USP45: variants seen among roughly 807,000 people sequenced by gnomAD.
The protein encoded by USP45 is ubiquitin specific peptidase 45, also known as ubiquitin carboxyl-terminal hydrolase 45.
In USP45, 89 loss-of-function variants were observed where a neutral mutation model predicts 95.8. That is an observed-to-expected ratio of 0.93 (90% CI 0.78 to 1.11). The LOEUF (loss-of-function observed/expected upper bound fraction) is 1.11. Among genes scored for constraint, USP45 ranks in the 50% least tolerant of loss-of-function variants. The pLI is 0.00. For missense variants in USP45, 898 were observed against 942.5 expected (o/e 0.95, Z 0.62); for synonymous variants, 281 against 316.2 (o/e 0.89, Z 1.18).
intron 9 of USP45, among the ~76,000 whole-genome samples, chr6:99,472,221 A>AC (rs1554238665): frequency 1.4e-5 from 2 of 143,916 alleles, no homozygotes; most frequent in Admixed American, 1.4e-4. Flanking sequence ...TCACTTACTA[A>AC]TTTTTTTTTT....
In USP45 at chr6:99,488,237, GTAC is replaced by G. The variant is rs1562405651; in HGVS notation, c.674_676del (p.Ser225del). ...TGAGGAAGGAAAAATCTTGAGTTTTGTACTACTTTCTTTGATCTCATTCATCAG... is the reference window on the plus strand; with the variant it reads ...TGAGGAAGGAAAAATCTTGAGTTTTGTACTTTCTTTGATCTCATTCATCAG... On this transcript the variant is annotated inframe_deletion, in exon 7 of 18. Transcript: ENST00000500704. 1 of 1,612,550 alleles carries G rather than the reference GTAC, an allele frequency of 6.2e-7. No homozygotes were observed. Among genetic ancestry groups the G allele is most frequent in the African/African-American group, 1.3e-5 (1 of 75,000 alleles).
chr6:99,481,664 C>G (rs1455610916), intron 8 of USP45, among the ~76,000 whole-genome samples: 1 of 152,124 alleles, frequency 6.6e-6, no homozygotes, highest in African/African-American at 2.4e-5. Context: ...CCCTTCCTCC[C>G]TCAATCTCTC....
At chr6:99,494,940 A>T (rs1488812580) in intron 5 of USP45, among the ~76,000 whole-genome samples, 2 of 152,090 alleles carry the variant, frequency 1.3e-5, no homozygotes, top group African/African-American at 4.8e-5. Context: ...TCATAAACAT[A>T]AAAAAACTCA....
rs998880546 is a variant in USP45 at position 99,495,547 on chromosome 6, C to T, written c.479-6727G>A. ...ATTTCAAAGATGAAACTGAGGTATA[C>T]TGCTGGTTAGTGTTGAGGGAAGATT... On this transcript the variant is annotated intron_variant, in intron 5 of 17. Transcript: ENST00000500704. Among the ~76,000 whole-genome samples, 9 of 152,204 alleles carry T rather than the reference C, an allele frequency of 5.9e-5. No individual in the cohort carries two copies. In the East Asian group the frequency reaches 1.2e-3, roughly 20 times the overall value.
chr6:99,506,607 C>T (rs1011807714), intron 4 of USP45, among the ~76,000 whole-genome samples: 1 of 152,156 alleles, frequency 6.6e-6, no homozygotes, highest in Non-Finnish European at 1.5e-5. Flanking sequence ...TCACGCCCCA[C>T]AAAAAACTTG....
intron 9 of USP45, among the ~76,000 whole-genome samples, chr6:99,473,736 CAG>C (rs1328200699): frequency 1.7e-5 from 2 of 115,186 alleles, no homozygotes; most frequent in Admixed American, 1.9e-4. Flanking sequence ...GCCTGGATGA[CAG>C]AGTGAGACCC....
intron 8 of USP45, among the ~76,000 whole-genome samples, chr6:99,476,860 T>C (rs931698086): frequency 6.6e-6 from 1 of 152,212 alleles, no homozygotes; most frequent in Non-Finnish European, 1.5e-5. Flanking sequence ...GTGAATATGT[T>C]TTTTAAGGAC....
At chr6:99,437,094 C>CTCAA (rs112767733) in intron 17 of USP45, 152 bp downstream of exon 17, 14,771 of 761,562 alleles carry the variant, frequency 0.019, 819 homozygotes, top group African/African-American at 0.16. Context: ...GAGACTCTGT[C>CTCAA]TCAATCAATC....
Position 99,488,765 on chromosome 6 carries a change from T to C in USP45, c.534A>G (p.Ile178Met). ...LCEEKCETDE[I>M]QKGGKCRNLS... ...AATTTCTGCATTTTCCTCCCTTCTG[T>C]ATTTCATCTGTTTCACATTTTTCTT... The change falls in exon 6 of 18, where the codon ATA (isoleucine) becomes ATG (methionine). Residue 178 changes from isoleucine (I) to methionine (M), a missense_variant. Coordinates refer to ENST00000500704, the MANE Select transcript of USP45 (RefSeq NM_001346022.3). The C allele has an allele frequency of 6.2e-7, 1 of 1,604,760 alleles. No individual in the cohort carries two copies. Among genetic ancestry groups the C allele is most frequent in the Non-Finnish European group, 8.5e-7 (1 of 1,176,674 alleles).
chr6:99,479,601 C>CAAAAAA lies in USP45; in HGVS notation c.845+3146_845+3151dup, dbSNP rs34635892. Among the ~76,000 whole-genome samples, 820 of 115,474 alleles carry CAAAAAA rather than the reference C, an allele frequency of 7.1e-3. 1 individual carries two copies. The highest frequency in any genetic ancestry group is 0.013 in the East Asian group (51 of 4,016). 75.8% of individuals were successfully genotyped at this position (115,474 alleles called of 152,430 possible). ...CAATACAATTTACTATTCCAACAGA[C>CAAAAAA]AAAAAAAAAAAAAAAAAAGATTATT... On this transcript the variant is annotated intron_variant, in intron 8 of 17. Transcript: ENST00000500704.
intron 5 of USP45, among the ~76,000 whole-genome samples, chr6:99,493,397 T>C (rs1438658511): frequency 1.3e-5 from 2 of 152,230 alleles, no homozygotes; most frequent in African/African-American, 4.8e-5. Flanking sequence ...GTTGTGCATG[T>C]GTTTACTAAG....
chr6:99,456,491 G>T (rs1014573069), intron 13 of USP45, among the ~76,000 whole-genome samples: 1 of 152,198 alleles, frequency 6.6e-6, no homozygotes, highest in Non-Finnish European at 1.5e-5. Context: ...GAAGAACGTG[G>T]ATTGTGAAGA....
chr6:99,516,081 C>T (rs1801083643), upstream of USP45, among the ~76,000 whole-genome samples: 1 of 152,046 alleles, frequency 6.6e-6, no homozygotes, highest in African/African-American at 2.4e-5. Flanking sequence ...CCGGCTCCGC[C>T]CCCACACCCC....
At chr6:99,503,457 G>A (rs1006056812) in intron 5 of USP45, among the ~76,000 whole-genome samples, 3 of 151,668 alleles carry the variant, frequency 2.0e-5, no homozygotes, top group South Asian at 4.2e-4. Context: ...TCAGCCTCCC[G>A]AGTAGCTGGG....
rs1213564660 is a variant in USP45, at chr6:99,433,719, T to G, written c.*1997A>C. On this transcript the variant is annotated 3_prime_UTR_variant, in exon 18 of 18. Coordinates refer to ENST00000500704, the MANE Select transcript of USP45 (RefSeq NM_001346022.3). Reference sequence around the variant, plus strand: ...GAATAATGTCAAAAATCTATGTAGATCTTTCCATTTTAAATGATGTTAAAA... The same window carrying G: ...GAATAATGTCAAAAATCTATGTAGAGCTTTCCATTTTAAATGATGTTAAAA... The G allele has an allele frequency of 6.6e-6, 1 of 152,222 alleles. No homozygotes were observed. The highest frequency in any genetic ancestry group is 2.4e-5 in the African/African-American group (1 of 41,456). The allele number at this position is 152,222 out of a possible 1,614,324, so 9.4% of individuals were successfully genotyped here.
At chr6:99,478,220 GTTTTT>G (rs71021740) in intron 8 of USP45, among the ~76,000 whole-genome samples, 15,770 of 99,696 alleles carry the variant, frequency 0.16, 1,314 homozygotes, top group Non-Finnish European at 0.22. Flanking sequence ...ACTTAGATTT[GTTTTT>G]TTTTTTTTTT....
intron 9 of USP45, among the ~76,000 whole-genome samples, chr6:99,474,742 A>T (rs1055838834): frequency 3.3e-5 from 5 of 152,236 alleles, no homozygotes; most frequent in African/African-American, 1.2e-4. Flanking sequence ...ACTGTTAGGA[A>T]CGATCAGCAA....
At chr6:99,448,397 C>G (rs1010629674) in intron 13 of USP45, among the ~76,000 whole-genome samples, 3 of 152,172 alleles carry the variant, frequency 2.0e-5, no homozygotes, top group African/African-American at 7.2e-5. Context: ...GACAAATGCA[C>G]AAGCTTCAGT....
intron 13 of USP45, among the ~76,000 whole-genome samples, chr6:99,460,412 AGC>A (rs1786138640): frequency 6.6e-6 from 1 of 152,158 alleles, no homozygotes; most frequent in African/African-American, 2.4e-5. Flanking sequence ...GAGTAAATTG[AGC>A]CAACACCACA....
Sources: gnomAD v4.1 joint callset for allele counts (sites outside exome capture counted in the v4.1 genomes callset) on GRCh38, gnomAD v4.1.1 for gene constraint, MANE v1.5 for transcripts, NCBI Gene and HGNC (gene_info 2026-07-23, HGNC 2026-07-21) for gene names.